ASAP1: variants seen among roughly 807,000 people sequenced by gnomAD.
ASAP1 encodes arf-GAP with SH3 domain, ANK repeat and PH domain-containing protein 1.
In ASAP1, 43 loss-of-function variants were observed where a neutral mutation model predicts 145.2. That is an observed-to-expected ratio of 0.30 (90% CI 0.23 to 0.38). The LOEUF is 0.38. ASAP1 is among the 10% of genes least tolerant of loss of function. The pLI, the probability that ASAP1 is intolerant of heterozygous loss-of-function variation, is 1.00. For missense variants in ASAP1, 1,018 were observed against 1,355.3 expected (o/e 0.75, Z 3.91); for synonymous variants, 546 against 515.5 (o/e 1.06, Z -0.80).
At position 130,118,216 on chromosome 8, in the gene ASAP1, C is replaced by T. The variant is rs141017948; in HGVS notation, c.1825G>A (p.Val609Ile). The change falls in exon 20 of 30, where the codon GTC (valine) becomes ATC (isoleucine). Residue 609 changes from valine (V) to isoleucine (I), a missense_variant. Val to Ile is a conservative substitution (Grantham distance 29). Transcript: ENST00000518721. ...AGAGATGTCTGATCTGCAGTTCGGA[C>T]GGCAAGGTGAAGGGCTGTCTCCCCA... ...ELGETALHLAVRTADQTSLHL... is the reference protein window; with the variant it reads ...ELGETALHLAIRTADQTSLHL... 1.5e-4 allele frequency: 243 copies of T among 1,613,686 alleles called. No homozygotes were observed. The African/African-American group carries it at 2.0e-3, about 13-fold the overall frequency.
intron 3 of ASAP1, among the ~76,000 whole-genome samples, chr8:130,248,724 T>C (rs933210616): frequency 3.9e-5 from 6 of 152,114 alleles, no homozygotes; most frequent in East Asian, 1.9e-4. Flanking sequence ...ATTTCTGTTG[T>C]GGTTCAATCC....
chr8:130,366,229 T>C lies in ASAP1; in HGVS notation c.60-8086A>G, dbSNP rs76954392. Among the ~76,000 whole-genome samples the C allele has an allele frequency of 3.1e-3, 479 of 152,368 alleles. 2 individuals carry two copies. Among genetic ancestry groups the C allele is most frequent in the African/African-American group, 0.01 (428 of 41,590 alleles). On this transcript the variant is annotated intron_variant, in intron 2 of 29. Transcript: ENST00000518721. ...GCATCACAGAATCAAGGAATGCCTA[T>C]GCACAATTGCCTACTATTTAAAAAT... is the stretch of plus-strand genomic sequence containing the variant.
intron 1 of ASAP1, among the ~76,000 whole-genome samples, chr8:130,441,703 C>T (rs1587063094): frequency 6.6e-6 from 1 of 152,214 alleles, no homozygotes; most frequent in East Asian, 1.9e-4. Context: ...TTTTGAAAAT[C>T]TGGCTCGCTG....
intron 2 of ASAP1, among the ~76,000 whole-genome samples, chr8:130,400,633 A>G (rs948545920): frequency 2.0e-5 from 3 of 151,534 alleles, no homozygotes; most frequent in African/African-American, 7.3e-5. Context: ...AAAAAAAAAT[A>G]CAAAAAAATT....
intron 3 of ASAP1, among the ~76,000 whole-genome samples, chr8:130,248,956 G>T (rs547180212): frequency 5.9e-5 from 9 of 152,124 alleles, no homozygotes; most frequent in African/African-American, 2.2e-4. Flanking sequence ...TAGAAACAGG[G>T]GTCTCACTAT....
intron 2 of ASAP1, among the ~76,000 whole-genome samples, chr8:130,394,754 C>T (rs1293174429): frequency 3.9e-5 from 6 of 152,116 alleles, no homozygotes; most frequent in Admixed American, 2.0e-4. Flanking sequence ...TTTCTCAACC[C>T]GGCCAACGCT....
At chr8:130,128,672 C>T (rs917586361) in intron 15 of ASAP1, among the ~76,000 whole-genome samples, 27 of 152,156 alleles carry the variant, frequency 1.8e-4, no homozygotes, top group African/African-American at 6.3e-4. Flanking sequence ...TAAATGAAGA[C>T]TGCAGATTTA....
chr8:130,094,971 C>T (rs937330753), intron 24 of ASAP1, among the ~76,000 whole-genome samples: 5 of 152,130 alleles, frequency 3.3e-5, no homozygotes, highest in African/African-American at 9.7e-5. Context: ...CTCTGAGCAA[C>T]GCTGCATTAT....
chr8:130,349,281 G>A (rs2138025741), intron 3 of ASAP1, among the ~76,000 whole-genome samples: 1 of 152,342 alleles, frequency 6.6e-6, no homozygotes, highest in Admixed American at 6.5e-5. Flanking sequence ...GGTCCCTGAA[G>A]TATACACATC....
chr8:130,238,567 C>T (rs1818347328), intron 3 of ASAP1, among the ~76,000 whole-genome samples: 1 of 152,068 alleles, frequency 6.6e-6, no homozygotes, highest in African/African-American at 2.4e-5. Context: ...TGAGCACTTA[C>T]TAGACATCAG....
intron 4 of ASAP1, among the ~76,000 whole-genome samples, chr8:130,230,012 T>A (rs751769778): frequency 1.3e-5 from 2 of 151,916 alleles, no homozygotes; most frequent in African/African-American, 2.4e-5. Context: ...ATGCCGTGAG[T>A]GAGACTGCGT....
At chr8:130,093,686 A>AAAAAAAAAAAAAAAG (rs767063471) in intron 24 of ASAP1, among the ~76,000 whole-genome samples, 16 of 131,990 alleles carry the variant, frequency 1.2e-4, no homozygotes, top group African/African-American at 3.6e-4. Flanking sequence ...AAAAAAAAAA[A>AAAAAAAAAAAAAAAG]AAAGAAAGCT....
chr8:130,131,603 G>GGAA (rs1182699961), intron 15 of ASAP1, among the ~76,000 whole-genome samples: 74 of 63,100 alleles, frequency 1.2e-3, no homozygotes, highest in African/African-American at 5.8e-3. Flanking sequence ...CATGGCTACT[G>GGAA]AAAAAAAAAA....
intron 2 of ASAP1, among the ~76,000 whole-genome samples, chr8:130,364,706 T>C (rs1283161169): frequency 1.3e-5 from 2 of 152,344 alleles, no homozygotes; most frequent in African/African-American, 2.4e-5. Flanking sequence ...TTAATCTTCA[T>C]GTGGGTATCC....
chr8:130,189,705 C>G (rs1327888401), intron 5 of ASAP1, among the ~76,000 whole-genome samples: 1 of 152,078 alleles, frequency 6.6e-6, no homozygotes, highest in Non-Finnish European at 1.5e-5. Flanking sequence ...TGGTAGTTCT[C>G]TTTTTAGTTT....
At chr8:130,159,350 C>T (rs1327167891) in intron 12 of ASAP1, among the ~76,000 whole-genome samples, 11 of 152,018 alleles carry the variant, frequency 7.2e-5, no homozygotes, top group African/African-American at 2.2e-4. Flanking sequence ...GGGCCGGGCA[C>T]GGTGGCTCAC....
intron 4 of ASAP1, among the ~76,000 whole-genome samples, chr8:130,218,721 T>C (rs918133469): frequency 2.0e-5 from 3 of 152,182 alleles, no homozygotes; most frequent in African/African-American, 7.2e-5. Flanking sequence ...GGAAGAATTA[T>C]GCTTATTAGG....
chr8:130,139,504 T>A (rs2097604422), intron 13 of ASAP1, among the ~76,000 whole-genome samples: 1 of 152,210 alleles, frequency 6.6e-6, no homozygotes, highest in African/African-American at 2.4e-5. Context: ...GGCAGGCGGA[T>A]CACCTGAGGC....
At chr8:130,439,550 G>C (rs1394471642) in intron 1 of ASAP1, among the ~76,000 whole-genome samples, 2 of 151,890 alleles carry the variant, frequency 1.3e-5, no homozygotes, top group East Asian at 1.9e-4. Context: ...GGTAAGGCCA[G>C]CACCAAGTGT....
Sources: gnomAD v4.1 joint callset for allele counts (sites outside exome capture counted in the v4.1 genomes callset) on GRCh38, gnomAD v4.1.1 for gene constraint, MANE v1.5 for transcripts, NCBI Gene and HGNC (gene_info 2026-07-23, HGNC 2026-07-21) for gene names.